The following HDAC9 variants were observed in gnomAD, a reference collection of about 807,000 sequenced individuals.
The protein encoded by HDAC9 is histone deacetylase 9.
A neutral mutation model predicts 139.4 loss-of-function variants in HDAC9; 41 were observed. The observed-to-expected ratio is 0.29, with a 90% confidence interval of 0.23 to 0.38. The LOEUF (loss-of-function observed/expected upper bound fraction) is 0.38, where lower values mean the gene tolerates loss of function less well. Among genes scored for constraint, HDAC9 ranks in the 10% least tolerant of loss-of-function variants. HDAC9 has a pLI of 1.00. For missense variants in HDAC9, 1,147 were observed against 1,297.0 expected (o/e 0.88, Z 1.78); for synonymous variants, 517 against 476.2 (o/e 1.09, Z -1.12).
chr7:18,855,194 A>G (rs1484963526), intron 21 of HDAC9, among the ~76,000 whole-genome samples: 3 of 152,090 alleles, frequency 2.0e-5, no homozygotes, highest in Admixed American at 2.0e-4. Flanking sequence ...TGGTTTTAAG[A>G]CTTCCAGCTC....
intron 21 of HDAC9, among the ~76,000 whole-genome samples, chr7:18,852,887 G>A (rs1797406912): frequency 6.6e-6 from 1 of 151,926 alleles, no homozygotes; most frequent in Non-Finnish European, 1.5e-5. Flanking sequence ...GTATGTTAAG[G>A]TAGATTTTTA....
intron 12 of HDAC9, among the ~76,000 whole-genome samples, chr7:18,675,678 C>T (rs1781458187): frequency 6.6e-6 from 1 of 151,982 alleles, no homozygotes; most frequent in Non-Finnish European, 1.5e-5. Flanking sequence ...TGTCCTAGCA[C>T]ACATAGAAAA....
intron 16 of HDAC9, among the ~76,000 whole-genome samples, chr7:18,782,815 G>A (rs1268756081): frequency 6.6e-6 from 1 of 151,956 alleles, no homozygotes; most frequent in African/African-American, 2.4e-5. Flanking sequence ...ATAATCCTAT[G>A]AGGAAGGAGT....
At chr7:18,594,212 C>T (rs1831818228) in intron 6 of HDAC9, among the ~76,000 whole-genome samples, 183 bp downstream of exon 6, 1 of 152,094 alleles carries the variant, frequency 6.6e-6, no homozygotes, top group African/African-American at 2.4e-5. Flanking sequence ...TCAGTTGATT[C>T]ATGACATAAT....
At chr7:18,455,597 T>C (rs951429819) in intron 1 of HDAC9, among the ~76,000 whole-genome samples, 1 of 151,854 alleles carries the variant, frequency 6.6e-6, no homozygotes, top group Non-Finnish European at 1.5e-5. Context: ...TTAATCATTT[T>C]CCAAAGGATG....
chr7:18,257,854 T>C (rs957885717), intron 2 of HDAC9, among the ~76,000 whole-genome samples: 4 of 152,162 alleles, frequency 2.6e-5, no homozygotes, highest in African/African-American at 9.7e-5. Context: ...AGAAAAAACT[T>C]TTACAGAGGT....
At chr7:18,734,033 C>A (rs1427586345) in intron 13 of HDAC9, among the ~76,000 whole-genome samples, 1 of 152,090 alleles carries the variant, frequency 6.6e-6, no homozygotes, top group Admixed American at 6.6e-5. Flanking sequence ...TCAATTAGTC[C>A]TATTTCACGT....
At chr7:18,649,618 A>C (rs1354146875) in intron 11 of HDAC9, among the ~76,000 whole-genome samples, 1 of 152,156 alleles carries the variant, frequency 6.6e-6, no homozygotes, top group African/African-American at 2.4e-5. Context: ...CTATGATGTA[A>C]GAAACAAACA....
intron 6 of HDAC9, among the ~76,000 whole-genome samples, chr7:18,628,701 A>G (rs1781432775): frequency 6.6e-6 from 1 of 152,170 alleles, no homozygotes; most frequent in African/African-American, 2.4e-5. Flanking sequence ...CAGAACCTTC[A>G]ATTCGAAGAC....
chr7:18,152,386 G>A (rs918682108), intron 1 of HDAC9, among the ~76,000 whole-genome samples: 1 of 151,940 alleles, frequency 6.6e-6, no homozygotes, highest in Admixed American at 6.6e-5. Flanking sequence ...CCAAAGTCAG[G>A]GTTCTTTTCC....
At chr7:18,758,271 G>A (rs986031069) in intron 14 of HDAC9, among the ~76,000 whole-genome samples, 1 of 152,050 alleles carries the variant, frequency 6.6e-6, no homozygotes, top group African/African-American at 2.4e-5. Context: ...AAATCTTTTT[G>A]GGCAGGCTAT....
At chr7:18,243,849 A>C (rs573484480) in intron 2 of HDAC9, among the ~76,000 whole-genome samples, 1 of 152,362 alleles carries the variant, frequency 6.6e-6, no homozygotes, top group Admixed American at 6.5e-5. Context: ...GCAGGAGAAG[A>C]TAGATACAGC....
chr7:18,285,984 G>T (rs550762124), upstream of HDAC9, among the ~76,000 whole-genome samples: 4 of 151,976 alleles, frequency 2.6e-5, no homozygotes, highest in Non-Finnish European at 4.4e-5. Context: ...TAATTTTGTT[G>T]TTCACCCTGA....
At chr7:18,167,005 A>G (rs745463573) in intron 2 of HDAC9, among the ~76,000 whole-genome samples, 1 of 152,236 alleles carries the variant, frequency 6.6e-6, no homozygotes, top group African/African-American at 2.4e-5. Context: ...TCCCATGACA[A>G]GTAGCTCTAC....
intron 6 of HDAC9, among the ~76,000 whole-genome samples, chr7:18,623,138 G>A (rs905877051): frequency 9.6e-5 from 11 of 115,032 alleles, no homozygotes; most frequent in East Asian, 9.0e-4. Flanking sequence ...AGTGAGACCC[G>A]GTCTCTGGAA....
At position 18,169,923 on chromosome 7, in the gene HDAC9, T is replaced by A. The variant is rs376159073; in HGVS notation, c.25+7574T>A. Among the ~76,000 whole-genome samples, 8 of 152,324 alleles carry A rather than the reference T, an allele frequency of 5.3e-5. No homozygotes were observed. In the South Asian group the frequency reaches 1.0e-3, roughly 20 times the overall value. On this transcript the variant is annotated intron_variant, in intron 2 of 12. Coordinates refer to the HDAC9 transcript ENST00000417496. Reference sequence around the variant, plus strand: ...CGAATAGTGCCGCAATAAACATACATGTGCATGTGTCTTTATAGCAGCATG... The same window carrying A: ...CGAATAGTGCCGCAATAAACATACAAGTGCATGTGTCTTTATAGCAGCATG...
intron 1 of HDAC9, among the ~76,000 whole-genome samples, chr7:18,087,507 C>A (rs950991110): frequency 1.3e-5 from 2 of 152,126 alleles, no homozygotes; most frequent in African/African-American, 4.8e-5. Flanking sequence ...TCTCCCGCCC[C>A]CAAACACACC....
intron 6 of HDAC9, among the ~76,000 whole-genome samples, chr7:18,598,705 G>C (rs1833130234): frequency 6.6e-6 from 1 of 152,120 alleles, no homozygotes; most frequent in Non-Finnish European, 1.5e-5. Flanking sequence ...ATCTCTTTTT[G>C]TTGTAGAAGG....
chr7:18,141,565 A>G (rs1785899043), intron 1 of HDAC9, among the ~76,000 whole-genome samples: 1 of 152,148 alleles, frequency 6.6e-6, no homozygotes, highest in Non-Finnish European at 1.5e-5. Context: ...TTGTATAGCT[A>G]TTGACAGCCT....
Sources: gnomAD v4.1 joint callset for allele counts (sites outside exome capture counted in the v4.1 genomes callset) on GRCh38, gnomAD v4.1.1 for gene constraint, MANE v1.5 for transcripts, NCBI Gene and HGNC (gene_info 2026-07-23, HGNC 2026-07-21) for gene names.